CCSER1: variants seen among roughly 807,000 people sequenced by gnomAD.
CCSER1 encodes coiled-coil serine rich protein 1, also known as serine-rich coiled-coil domain-containing protein 1.
CCSER1 carries 41 observed loss-of-function variants against 82.0 expected under a neutral mutation model. That is an observed-to-expected ratio of 0.50 (90% CI 0.39 to 0.65). CCSER1 has a LOEUF of 0.65. Among genes scored for constraint, CCSER1 ranks in the 30% least tolerant of loss-of-function variants. CCSER1 has a pLI of 0.00. For synonymous variants in CCSER1, 414 were observed against 383.9 expected (o/e 1.08, Z -0.92); for missense variants, 1,119 against 1,064.2 (o/e 1.05, Z -0.72).
Position 90,965,438 on chromosome 4 carries a change from A to G in CCSER1, c.2172+41991A>G, listed in dbSNP as rs892737770. On this transcript the variant is annotated intron_variant, in intron 9 of 10. Coordinates refer to ENST00000509176, the MANE Select transcript of CCSER1 (RefSeq NM_001145065.2). ...GAGTTTCTGCATAGGTAGGAAGGAAAAGCTAAGGCTGACTGCAAACCATCA... is the reference window on the plus strand; with the variant it reads ...GAGTTTCTGCATAGGTAGGAAGGAAGAGCTAAGGCTGACTGCAAACCATCA... Among the ~76,000 whole-genome samples, 59 of 152,084 alleles carry G rather than the reference A, an allele frequency of 3.9e-4. 1 individual carries two copies. Among genetic ancestry groups the G allele is most frequent in the Non-Finnish European group, 1.0e-4 (7 of 68,026 alleles).
rs994544182 is a variant in CCSER1 at position 91,306,196 on chromosome 4, A to C, written c.2217+220202A>C. Among the ~76,000 whole-genome samples, 4 of 151,918 alleles carry C rather than the reference A, an allele frequency of 2.6e-5. No homozygotes were observed. The South Asian group carries it at 8.3e-4, about 32-fold the overall frequency. On this transcript the variant is annotated intron_variant, in intron 10 of 10. Transcript: ENST00000509176. ...TTTTCTTTGTTTCATAGAGAAGTCA[A>C]ATTTAAGAGTTATCAGCTACATTAA...
intron 5 of CCSER1, among the ~76,000 whole-genome samples, chr4:90,507,740 G>A (rs779155626): frequency 6.6e-6 from 1 of 151,924 alleles, no homozygotes; most frequent in Non-Finnish European, 1.5e-5. Flanking sequence ...TCTCTTCAGG[G>A]CCTCTAAATT....
At chr4:91,587,086 C>T (rs1764034957) in intron 10 of CCSER1, among the ~76,000 whole-genome samples, 1 of 151,730 alleles carries the variant, frequency 6.6e-6, no homozygotes, top group African/African-American at 2.4e-5. Flanking sequence ...TACCTCTTCT[C>T]TCACAGTTAT....
At chr4:91,595,881 A>G (rs1764543595) in intron 10 of CCSER1, among the ~76,000 whole-genome samples, 1 of 149,206 alleles carries the variant, frequency 6.7e-6, no homozygotes, top group Non-Finnish European at 1.5e-5. Context: ...TAACCCCTGC[A>G]CAATGCAATC....
At chr4:91,565,463 G>C (rs905384124) in intron 10 of CCSER1, among the ~76,000 whole-genome samples, 3 of 151,996 alleles carry the variant, frequency 2.0e-5, no homozygotes, top group Non-Finnish European at 4.4e-5. Context: ...GATAAGAATA[G>C]TATTGAATCT....
At chr4:90,315,267 G>A (rs1178215255) in intron 3 of CCSER1, among the ~76,000 whole-genome samples, 3 of 152,080 alleles carry the variant, frequency 2.0e-5, no homozygotes, top group Non-Finnish European at 4.4e-5. Flanking sequence ...CCACTAGATG[G>A]CAGAAAGACA....
chr4:91,275,274 T>C (rs1742335586), intron 10 of CCSER1, among the ~76,000 whole-genome samples: 1 of 152,098 alleles, frequency 6.6e-6, no homozygotes. Flanking sequence ...AGTTCCCTTT[T>C]CTTTGCATCC....
At chr4:91,212,338 G>T (rs971478403) in intron 10 of CCSER1, among the ~76,000 whole-genome samples, 45 of 151,920 alleles carry the variant, frequency 3.0e-4, no homozygotes, top group African/African-American at 1.1e-3. Context: ...GAGATCCTTG[G>T]TGGTTTGGAA....
intron 3 of CCSER1, among the ~76,000 whole-genome samples, chr4:90,362,784 ATCAT>A: frequency 6.6e-6 from 1 of 152,174 alleles, no homozygotes; most frequent in East Asian, 1.9e-4. Flanking sequence ...GCAGAAAGGT[ATCAT>A]TCCATGGGCT....
chr4:90,773,936 A>G (rs1163377667), intron 7 of CCSER1, among the ~76,000 whole-genome samples: 1 of 152,310 alleles, frequency 6.6e-6, no homozygotes, highest in African/African-American at 2.4e-5. Flanking sequence ...TAAAAATGCA[A>G]TGACATTCAT....
intron 5 of CCSER1, among the ~76,000 whole-genome samples, chr4:90,485,076 G>A (rs960784639): frequency 2.0e-5 from 3 of 152,206 alleles, no homozygotes; most frequent in African/African-American, 7.2e-5. Flanking sequence ...GAGCAATGGC[G>A]GGCGCCCCTC....
At chr4:91,474,812 T>TATATATATATATATATATATAC (rs1560700770) in intron 10 of CCSER1, among the ~76,000 whole-genome samples, 1 of 66,122 alleles carries the variant, frequency 1.5e-5, no homozygotes, top group African/African-American at 5.4e-5. Flanking sequence ...TATATATATA[T>TATATATATATATATATATATAC]ACACACACAC....
intron 8 of CCSER1, among the ~76,000 whole-genome samples, chr4:90,887,802 A>C (rs991984299): frequency 7.2e-5 from 11 of 152,170 alleles, no homozygotes; most frequent in Admixed American, 7.2e-4. Flanking sequence ...GAATTGCTTG[A>C]ATCCGGGAGG....
At chr4:91,078,745 T>G (rs1722324170) in intron 9 of CCSER1, among the ~76,000 whole-genome samples, 1 of 152,272 alleles carries the variant, frequency 6.6e-6, no homozygotes, top group East Asian at 1.9e-4. Flanking sequence ...AATGACCTGA[T>G]GGAGCTGAAA....
At chr4:91,035,052 A>G (rs1315596120) in intron 9 of CCSER1, among the ~76,000 whole-genome samples, 2 of 152,192 alleles carry the variant, frequency 1.3e-5, no homozygotes, top group East Asian at 1.9e-4. Flanking sequence ...CTATAAGTGT[A>G]TAAGAAATAT....
chr4:90,153,204 A>C (rs1460293232), intron 1 of CCSER1, among the ~76,000 whole-genome samples: 1 of 151,970 alleles, frequency 6.6e-6, no homozygotes, highest in East Asian at 1.9e-4. Flanking sequence ...GTCCCTACAA[A>C]GGACATGAAC....
chr4:91,546,161 A>C (rs998125052), intron 10 of CCSER1, among the ~76,000 whole-genome samples: 1 of 152,098 alleles, frequency 6.6e-6, no homozygotes, highest in Non-Finnish European at 1.5e-5. Context: ...ATTTTTATAT[A>C]TTGGGTTTGA....
At chr4:90,810,753 T>G (rs1042128957) in intron 7 of CCSER1, among the ~76,000 whole-genome samples, 1 of 152,046 alleles carries the variant, frequency 6.6e-6, no homozygotes, top group African/African-American at 2.4e-5. Context: ...ATGTATGGTA[T>G]GGATGCTATG....
At chr4:90,684,794 T>A (rs1160743760) in intron 6 of CCSER1, among the ~76,000 whole-genome samples, 3 of 152,162 alleles carry the variant, frequency 2.0e-5, no homozygotes, top group Middle Eastern at 3.4e-3. Flanking sequence ...AGTGAGTAAG[T>A]TTCACAAGAT....
Sources: allele counts gnomAD v4.1 joint callset (sites outside exome capture counted in the v4.1 genomes callset), GRCh38; gene constraint gnomAD v4.1.1; transcripts MANE v1.5; gene names NCBI Gene and HGNC (gene_info 2026-07-23, HGNC 2026-07-21).